The following FAM135B variants were observed in gnomAD, a reference collection of about 807,000 sequenced individuals.
FAM135B encodes the protein protein FAM135B.
In FAM135B, 43 loss-of-function variants were observed where a neutral mutation model predicts 127.7. That is an observed-to-expected ratio of 0.34 (90% CI 0.26 to 0.43). The LOEUF (loss-of-function observed/expected upper bound fraction) is 0.43, where lower values mean the gene tolerates loss of function less well. Ranked by LOEUF, FAM135B falls within the 20% of genes least tolerant of loss-of-function variation. The probability of loss-of-function intolerance (pLI) is 1.00; values close to 1 mark genes in which losing one functional copy is unlikely to be tolerated. For synonymous variants in FAM135B, 670 were observed against 665.1 expected, an observed-to-expected ratio of 1.01 and a Z score of -0.11; for missense variants, 1,558 against 1,725.6, an observed-to-expected ratio of 0.90 and a Z score of 1.72.
intron 1 of FAM135B, among the ~76,000 whole-genome samples, chr8:138,475,165 C>T (rs1814345731): frequency 6.6e-6 from 1 of 152,084 alleles, no homozygotes; most frequent in Non-Finnish European, 1.5e-5. Flanking sequence ...TTCAAGTCAG[C>T]ATCTATTAAC....
At chr8:138,479,508 C>G (rs1814684869) in intron 1 of FAM135B, among the ~76,000 whole-genome samples, 1 of 152,140 alleles carries the variant, frequency 6.6e-6, no homozygotes. Flanking sequence ...CTACTTTCAT[C>G]TTTATTGCTC....
intron 1 of FAM135B, chr8:138,438,279 C>T (rs904356008): frequency 2.0e-5 from 3 of 151,938 alleles, no homozygotes; most frequent in Non-Finnish European, 4.4e-5. Context: ...GAGAAGGTGC[C>T]GGGTGGCTAT....
At chr8:138,396,292 C>T (rs756463626) in intron 1 of FAM135B, among the ~76,000 whole-genome samples, 3 of 152,188 alleles carry the variant, frequency 2.0e-5, no homozygotes, top group Admixed American at 2.0e-4. Context: ...GTGTGGCAGG[C>T]TGCATAGACA....
chr8:138,241,897 A>G lies in FAM135B; in HGVS notation c.669+1045T>C, dbSNP rs527853134. On this transcript the variant is annotated intron_variant, in intron 7 of 19. Coordinates refer to ENST00000395297, the MANE Select transcript of FAM135B (RefSeq NM_015912.4). The surrounding 1 kb of genome is among the most constrained non-coding windows in gnomAD (Gnocchi z 4.8). ...AACATGAATAGGCCTTATCCAATCC[A>G]TTGAGGGCCTGAATAGGACAAAAAG... Among the ~76,000 whole-genome samples, 2 of 152,258 alleles carry G rather than the reference A, an allele frequency of 1.3e-5. No individual in the cohort carries two copies. Among genetic ancestry groups the G allele is most frequent in the Admixed American group, 6.5e-5 (1 of 15,286 alleles).
intron 1 of FAM135B, among the ~76,000 whole-genome samples, chr8:138,407,746 C>T (rs566311311): frequency 3.3e-5 from 5 of 152,202 alleles, no homozygotes; most frequent in East Asian, 1.9e-4. Context: ...ACACCTTATA[C>T]GAAAATTAAT....
At chr8:138,491,523 C>A (rs901954406) in intron 1 of FAM135B, among the ~76,000 whole-genome samples, 2 of 152,206 alleles carry the variant, frequency 1.3e-5, no homozygotes, top group East Asian at 3.8e-4. Context: ...TTGTTTCTCC[C>A]TCAATCGTTT....
chr8:138,388,825 T>A (rs773009695), intron 1 of FAM135B, among the ~76,000 whole-genome samples: 1 of 152,154 alleles, frequency 6.6e-6, no homozygotes, highest in Non-Finnish European at 1.5e-5. Flanking sequence ...TTAATATATG[T>A]CAACACTTCT....
intron 1 of FAM135B, among the ~76,000 whole-genome samples, chr8:138,424,145 C>T (rs1011945793): frequency 7.9e-5 from 12 of 151,930 alleles, no homozygotes; most frequent in South Asian, 2.1e-4. Context: ...GGTCCTGAGG[C>T]GACATACATC....
At chr8:138,331,989 T>C (rs1045551026) in intron 2 of FAM135B, among the ~76,000 whole-genome samples, 11 of 152,150 alleles carry the variant, frequency 7.2e-5, no homozygotes, top group African/African-American at 2.7e-4. Context: ...TCCAGGACTC[T>C]CTGAGTAAAT....
intron 2 of FAM135B, among the ~76,000 whole-genome samples, chr8:138,331,376 G>A (rs145111401): frequency 3.7e-3 from 559 of 152,224 alleles, no homozygotes; most frequent in Middle Eastern, 6.8e-3. Flanking sequence ...AGGCTTCAAG[G>A]AATATAATGG....
intron 1 of FAM135B, among the ~76,000 whole-genome samples, chr8:138,373,832 G>C (rs934988693): frequency 1.3e-5 from 2 of 152,060 alleles, no homozygotes; most frequent in African/African-American, 4.8e-5. Context: ...TTATTAGGAA[G>C]AGGAAATTCT....
intron 2 of FAM135B, among the ~76,000 whole-genome samples, chr8:138,328,412 A>C (rs1208722178): frequency 1.3e-5 from 2 of 152,154 alleles, no homozygotes; most frequent in Non-Finnish European, 2.9e-5. Context: ...GATGACCTTG[A>C]GCAGCAGGAC....
Position 138,178,994 on chromosome 8 carries a change from C to A in FAM135B, c.874-304G>T, listed in dbSNP as rs780656453. Among the ~76,000 whole-genome samples, 39 of 152,156 alleles carry A rather than the reference C, an allele frequency of 2.6e-4. 1 individual carries two copies. The highest frequency in any genetic ancestry group is 5.9e-5 in the Non-Finnish European group (4 of 68,032). On this transcript the variant is annotated intron_variant, in intron 9 of 19. Transcript: ENST00000395297. The stretch of plus-strand genomic sequence containing the variant: ...CTACCTAGTCCCAGTATATCTTTTC[C>A]ATTTCATTTTACTTTCATGTATGTT...
In FAM135B at chr8:138,151,440, G is replaced by C. The variant is rs1230214889; in HGVS notation, c.3035C>G (p.Ser1012Cys). ...ELKAGTSIMG[S>C]HLTSAETFTL... The stretch of plus-strand genomic sequence containing the variant: ...AAAGGTCTCTGCAGAAGTCAGATGG[G>C]ACCCCATGATGGAAGTGCCTGCCTT... Residue 1012 changes from serine to cysteine, a missense_variant, in exon 13 of 20, where the codon TCC becomes TGC. Around this residue, in one of 5 missense-constraint regions of FAM135B, gnomAD observed 923 missense variants for 865.3 expected, o/e 1.07. Transcript: ENST00000395297. 6.2e-7 allele frequency: 1 copy of C among 1,614,206 alleles called. No individual in the cohort carries two copies. Among genetic ancestry groups the C allele is most frequent in the African/African-American group, 1.3e-5 (1 of 75,062 alleles).
intron 2 of FAM135B, among the ~76,000 whole-genome samples, chr8:138,313,574 G>A (rs1021386670): frequency 1.2e-4 from 18 of 149,380 alleles, no homozygotes; most frequent in African/African-American, 3.0e-4. Flanking sequence ...TTGCTATGTC[G>A]CCCAGGCTGG....
intron 1 of FAM135B, chr8:138,425,443 A>G (rs1834786679): frequency 1.3e-5 from 2 of 152,188 alleles, no homozygotes; most frequent in African/African-American, 4.8e-5. Context: ...CACCAATAAG[A>G]TGCGGTTGCG....
intron 1 of FAM135B, among the ~76,000 whole-genome samples, chr8:138,390,943 C>T (rs576061789): frequency 3.9e-5 from 6 of 152,266 alleles, no homozygotes; most frequent in South Asian, 2.1e-4. Flanking sequence ...CGTACCACGA[C>T]GCAACAGGTG....
chr8:138,283,421 T>TA (rs35095288), intron 3 of FAM135B, among the ~76,000 whole-genome samples: 118,669 of 148,596 alleles, frequency 0.8, 47,329 homozygotes, highest in East Asian at 0.92. Context: ...ATGGATACAG[T>TA]AAAAAAAAAA....
chr8:138,237,413 G>A (rs943692046), intron 7 of FAM135B, among the ~76,000 whole-genome samples: 2 of 151,928 alleles, frequency 1.3e-5, no homozygotes, highest in African/African-American at 4.8e-5. Flanking sequence ...TGCCCGCCTC[G>A]GCCTCCCAAA....
Sources: gnomAD v4.1 joint callset for allele counts (sites outside exome capture counted in the v4.1 genomes callset) on GRCh38, gnomAD v4.1.1 for gene constraint, gnomAD v4.1.1 regional missense constraint, Gnocchi (gnomAD v3.1) non-coding constraint, MANE v1.5 for transcripts, NCBI Gene and HGNC (gene_info 2026-07-23, HGNC 2026-07-21) for gene names.